Variants in ZNF469 observed in about 807,000 individuals in gnomAD.
ZNF469 encodes the protein zinc finger protein 469.
In ZNF469, 1 loss-of-function variant was observed where a neutral mutation model predicts 1.0. The observed-to-expected ratio is 1.00, with a 90% CI of 0.35 to 4.73. ZNF469 has a LOEUF of 4.73. Ranked by LOEUF, ZNF469 falls within the 30% of genes most tolerant of loss-of-function variation. ZNF469 has a pLI of 0.16. For synonymous variants in ZNF469, 2,703 were observed against 2,363.4 expected (o/e 1.14, Z -4.17); for missense variants, 6,100 against 5,356.3 (o/e 1.14, Z -4.33).
intron 1 of ZNF469, among the ~76,000 whole-genome samples, chr16:88,399,875 G>A (rs372470808): frequency 3.9e-5 from 6 of 152,234 alleles, no homozygotes; most frequent in South Asian, 2.1e-4. Context: ...GTGCTCCTCC[G>A]CAGGGCTCTA....
chr16:88,116,975 ACACACACACAC>A, the ZNF469 span, among the ~76,000 whole-genome samples: 7 of 152,016 alleles, frequency 4.6e-5, no homozygotes, highest in Non-Finnish European at 1.0e-4. Context: ...ACACACACAC[ACACACACACAC>A]ACACACCAGG....
At chr16:88,279,168 A>C in the ZNF469 span, among the ~76,000 whole-genome samples, 2 of 131,956 alleles carry the variant, frequency 1.5e-5, no homozygotes, top group Admixed American at 1.6e-4. Flanking sequence ...TACCGTGTAG[A>C]TATCAGTGCA....
chr16:88,116,430 G>C, the ZNF469 span, among the ~76,000 whole-genome samples: 74,285 of 152,040 alleles, frequency 0.49, 18,809 homozygotes, highest in Middle Eastern at 0.6. Context: ...CATGGCCACT[G>C]TAAACACCAG....
chr16:88,284,122 G>A, the ZNF469 span, among the ~76,000 whole-genome samples: 1 of 142,616 alleles, frequency 7.0e-6, no homozygotes, highest in African/African-American at 3.0e-5. Flanking sequence ...TGAGGTCTGT[G>A]GAGGCTGGTA....
At chr16:88,162,323 T>C in the ZNF469 span, among the ~76,000 whole-genome samples, 7 of 151,070 alleles carry the variant, frequency 4.6e-5, no homozygotes, top group Non-Finnish European at 1.0e-4. Context: ...TGGAGGATAT[T>C]TTATGAAAAA....
chr16:88,368,863 G>A, the ZNF469 span, among the ~76,000 whole-genome samples: 1 of 152,156 alleles, frequency 6.6e-6, no homozygotes, highest in African/African-American at 2.4e-5. Flanking sequence ...CAAATCACTT[G>A]AGGTCAGGAG....
chr16:88,220,549 CT>C, the ZNF469 span, among the ~76,000 whole-genome samples: 1 of 152,208 alleles, frequency 6.6e-6, no homozygotes, highest in African/African-American at 2.4e-5. Context: ...TCATCCAACA[CT>C]TACTGAGCCC....
chr16:88,432,543 C>G lies in ZNF469; in HGVS notation c.5073C>G (p.Asn1691Lys), dbSNP rs752800323. The G allele has an allele frequency of 1.3e-6, 2 of 1,550,408 alleles. No homozygotes were observed. Among genetic ancestry groups the G allele is most frequent in the Non-Finnish European group, 1.7e-6 (2 of 1,146,984 alleles). ...CTCCTTTCAGCCCCAGGGGAGCCAA[C>G]TTCCATTTTCAGCCAGTGCAGAAAG... ...SGAPFSPRGANFHFQPVQKAG... is the reference protein window; with the variant it reads ...SGAPFSPRGAKFHFQPVQKAG... Residue 1691 changes from asparagine to lysine, a missense_variant, in exon 3 of 3, where the codon AAC becomes AAG. Asn to Lys is a moderately conservative substitution (Grantham distance 94). Coordinates refer to ENST00000565624, the MANE Select transcript of ZNF469 (RefSeq NM_001367624.2).
At chr16:88,157,537 A>T in the ZNF469 span, among the ~76,000 whole-genome samples, 1 of 151,976 alleles carries the variant, frequency 6.6e-6, no homozygotes, top group Non-Finnish European at 1.5e-5. Flanking sequence ...GACAGCACCC[A>T]TCTCTCCTCC....
At chr16:88,106,088 C>G in the ZNF469 span, among the ~76,000 whole-genome samples, 3 of 152,232 alleles carry the variant, frequency 2.0e-5, no homozygotes, top group Non-Finnish European at 4.4e-5. Flanking sequence ...CCCCATTGCC[C>G]TGCCACACCT....
intron 1 of ZNF469, among the ~76,000 whole-genome samples, chr16:88,415,969 C>T (rs1308735435): frequency 2.0e-5 from 3 of 152,228 alleles, no homozygotes; most frequent in Admixed American, 6.5e-5. Flanking sequence ...TGCGGACACC[C>T]CATCCCCACC....
the ZNF469 span, among the ~76,000 whole-genome samples, chr16:88,340,976 G>A: frequency 5.9e-5 from 9 of 152,234 alleles, no homozygotes; most frequent in East Asian, 1.2e-3. Context: ...CCGGGGCCCG[G>A]GCAAAGCGGT....
chr16:88,194,476 C>T, the ZNF469 span: 1 of 152,308 alleles, frequency 6.6e-6, no homozygotes, highest in Non-Finnish European at 1.5e-5. Flanking sequence ...CCTGCAAGAC[C>T]TGCACAGCTC....
the ZNF469 span, among the ~76,000 whole-genome samples, chr16:88,314,241 G>A: frequency 8.7e-5 from 11 of 126,672 alleles, no homozygotes; most frequent in Admixed American, 7.7e-4. Flanking sequence ...GATGATGCTG[G>A]TGTAGAATAT....
At chr16:88,269,236 C>G in the ZNF469 span, among the ~76,000 whole-genome samples, 1 of 152,162 alleles carries the variant, frequency 6.6e-6, no homozygotes, top group Non-Finnish European at 1.5e-5. Context: ...CATAATTTCT[C>G]TGCGCCTTAG....
chr16:88,371,917 A>G, the ZNF469 span, among the ~76,000 whole-genome samples: 2 of 147,002 alleles, frequency 1.4e-5, 1 homozygote, highest in Non-Finnish European at 3.0e-5. Context: ...CATCACCATG[A>G]TTACCACCAT....
At chr16:88,228,419 T>C in the ZNF469 span, among the ~76,000 whole-genome samples, 1 of 152,234 alleles carries the variant, frequency 6.6e-6, no homozygotes, top group African/African-American at 2.4e-5. Context: ...CCCGCAGGAC[T>C]ACTGCGGGAT....
At chr16:88,146,120 T>C in the ZNF469 span, among the ~76,000 whole-genome samples, 1 of 152,236 alleles carries the variant, frequency 6.6e-6, no homozygotes, top group African/African-American at 2.4e-5. Context: ...TTGCTGCCTG[T>C]AATGCCGGAA....
At chr16:88,160,392 C>T in the ZNF469 span, among the ~76,000 whole-genome samples, 9 of 152,188 alleles carry the variant, frequency 5.9e-5, no homozygotes, top group African/African-American at 1.9e-4. Context: ...TGTCCGAGAC[C>T]GGCATTTTTA....
Sources: allele counts gnomAD v4.1 joint callset (sites outside exome capture counted in the v4.1 genomes callset), GRCh38; gene constraint gnomAD v4.1.1; transcripts MANE v1.5; gene names NCBI Gene and HGNC (gene_info 2026-07-23, HGNC 2026-07-21).